The following ANKS1B variants were observed in gnomAD, a reference collection of about 807,000 sequenced individuals.
The protein encoded by ANKS1B is ankyrin repeat and sterile alpha motif domain-containing protein 1B.
In ANKS1B, 36 loss-of-function variants were observed where a neutral mutation model predicts 148.3. The ratio of observed to expected loss-of-function variants is 0.24; its 90% CI spans 0.19 to 0.32. The LOEUF (loss-of-function observed/expected upper bound fraction) is 0.32, where lower values mean the gene tolerates loss of function less well. Among genes scored for constraint, ANKS1B ranks in the 10% least tolerant of loss-of-function variants. ANKS1B has a pLI of 1.00. For missense variants in ANKS1B, 1,157 were observed against 1,542.6 expected (o/e 0.75, Z 4.19); for synonymous variants, 542 against 560.8 (o/e 0.97, Z 0.47).
intron 22 of ANKS1B, among the ~76,000 whole-genome samples, chr12:98,792,957 T>C (rs1336527706): frequency 3.9e-5 from 6 of 152,204 alleles, no homozygotes. Flanking sequence ...ACATACTGAT[T>C]TCATTTCCTT....
At chr12:99,242,185 T>C (rs532717579) in intron 14 of ANKS1B, among the ~76,000 whole-genome samples, 2 of 152,308 alleles carry the variant, frequency 1.3e-5, no homozygotes, top group African/African-American at 4.8e-5. Flanking sequence ...GATAAGCAAC[T>C]TCAGCAAAAT....
At chr12:99,134,436 C>T (rs1327528948) in intron 15 of ANKS1B, among the ~76,000 whole-genome samples, 1 of 151,788 alleles carries the variant, frequency 6.6e-6, no homozygotes, top group Non-Finnish European at 1.5e-5. Flanking sequence ...GCCCAAGTTG[C>T]CCATCAGAAC....
intron 25 of ANKS1B, among the ~76,000 whole-genome samples, chr12:98,753,028 A>G (rs1445230251): frequency 6.6e-6 from 1 of 151,598 alleles, no homozygotes. Flanking sequence ...TTCCCCAGCT[A>G]TTTCTTGAGG....
intron 9 of ANKS1B, among the ~76,000 whole-genome samples, chr12:99,587,999 AGT>A (rs2097661297): frequency 6.6e-6 from 1 of 152,134 alleles, no homozygotes; most frequent in African/African-American, 2.4e-5. Context: ...TAGATGTACG[AGT>A]TACATTGAGT....
chr12:98,864,301 T>A (rs1467680781), intron 17 of ANKS1B, among the ~76,000 whole-genome samples: 2 of 152,190 alleles, frequency 1.3e-5, no homozygotes, highest in African/African-American at 4.8e-5. Context: ...ACATTTCAAG[T>A]CTTCTCCTCT....
Position 99,984,312 on chromosome 12 carries a change from A to G in ANKS1B, c.-75T>C. ...TCCCCACCCACCCCCACTCCCCAAA[A>G]TCCAGGGCCCTCTTCGCCCCACCCT... On this transcript the variant is annotated 5_prime_UTR_variant, in exon 1 of 27. Transcript: ENST00000683438. 1.6e-6 allele frequency: 2 copies of G among 1,227,960 alleles called. No individual in the cohort carries two copies. The highest frequency in any genetic ancestry group is 2.8e-5 in the South Asian group (2 of 71,228). 76.1% of individuals were successfully genotyped at this position (1,227,960 alleles called of 1,614,324 possible).
intron 17 of ANKS1B, among the ~76,000 whole-genome samples, chr12:98,938,817 G>A (rs768086604): frequency 3.3e-5 from 5 of 152,214 alleles, no homozygotes; most frequent in Non-Finnish European, 7.3e-5. Flanking sequence ...AGCAGAGGAT[G>A]AAATTGGGAA....
chr12:99,329,645 C>A (rs374418572), intron 12 of ANKS1B, among the ~76,000 whole-genome samples: 25 of 151,760 alleles, frequency 1.6e-4, no homozygotes, highest in Admixed American at 1.2e-3. Context: ...CTGAAAAAGA[C>A]AAACTTAGCT....
intron 17 of ANKS1B, among the ~76,000 whole-genome samples, chr12:99,050,622 G>A (rs183352214): frequency 6.6e-6 from 1 of 151,590 alleles, no homozygotes. Flanking sequence ...ACTTCTCCCT[G>A]TATTGAAGCC....
intron 17 of ANKS1B, among the ~76,000 whole-genome samples, chr12:98,982,781 T>A (rs533802528): frequency 1.7e-4 from 26 of 152,372 alleles, no homozygotes; most frequent in African/African-American, 6.3e-4. Context: ...TGTATGAATA[T>A]ACATAATTCA....
At chr12:99,472,771 C>A (rs1396488893) in intron 10 of ANKS1B, among the ~76,000 whole-genome samples, 4 of 151,980 alleles carry the variant, frequency 2.6e-5, no homozygotes, top group African/African-American at 7.2e-5. Flanking sequence ...TTTCATGCAG[C>A]ATTTAAGAAA....
At chr12:98,964,418 T>C (rs1412051066) in intron 17 of ANKS1B, among the ~76,000 whole-genome samples, 1 of 152,154 alleles carries the variant, frequency 6.6e-6, no homozygotes, top group African/African-American at 2.4e-5. Context: ...AATGGAACTA[T>C]CATGTAATCC....
chr12:99,502,989 T>C (rs2096670471), intron 10 of ANKS1B, among the ~76,000 whole-genome samples: 1 of 152,232 alleles, frequency 6.6e-6, no homozygotes, highest in Admixed American at 6.5e-5. Flanking sequence ...CAGGCTGCAG[T>C]GCAGTGGTGT....
rs1378349030 is a variant in ANKS1B at position 98,832,600 on chromosome 12, C to T, written c.2779-464G>A. ...CCTTGGGGCCTCTACCCCTGCTCAA[C>T]CACCTGCCTGGAATGCCCCCTCTCC... On this transcript the variant is annotated intron_variant, in intron 17 of 26. Transcript: ENST00000683438. Among the ~76,000 whole-genome samples, 3 of 152,132 alleles carry T rather than the reference C, an allele frequency of 2.0e-5. No individual in the cohort carries two copies. The East Asian group carries it at 5.8e-4, about 29-fold the overall frequency.
chr12:98,986,052 C>A (rs2099923183), intron 17 of ANKS1B, among the ~76,000 whole-genome samples: 1 of 152,006 alleles, frequency 6.6e-6, no homozygotes, highest in African/African-American at 2.4e-5. Context: ...AAATGCTATT[C>A]CATTGTTTTT....
intron 9 of ANKS1B, among the ~76,000 whole-genome samples, chr12:99,566,315 A>G (rs1041670600): frequency 1.3e-5 from 2 of 152,210 alleles, no homozygotes; most frequent in Non-Finnish European, 2.9e-5. Flanking sequence ...AAGCAAGTTC[A>G]TTGCCCACAA....
chr12:99,238,306 A>G (rs1319301950), intron 14 of ANKS1B, among the ~76,000 whole-genome samples: 7 of 152,236 alleles, frequency 4.6e-5, no homozygotes, highest in Admixed American at 4.6e-4. Context: ...CTAGTGCAGC[A>G]GTCTGAGATC....
chr12:98,919,842 A>G (rs2099799071), intron 17 of ANKS1B, among the ~76,000 whole-genome samples: 1 of 152,170 alleles, frequency 6.6e-6, no homozygotes, highest in Non-Finnish European at 1.5e-5. Flanking sequence ...AGGGGCTGCA[A>G]TGCAACAGCC....
chr12:99,044,308 A>G (rs36015274), intron 17 of ANKS1B, among the ~76,000 whole-genome samples: 85 of 149,294 alleles, frequency 5.7e-4, no homozygotes, highest in Non-Finnish European at 8.2e-4. Flanking sequence ...GATACAGGAA[A>G]AAAGGTAAGT....
Sources: gnomAD v4.1 joint callset for allele counts (sites outside exome capture counted in the v4.1 genomes callset) on GRCh38, gnomAD v4.1.1 for gene constraint, MANE v1.5 for transcripts, NCBI Gene and HGNC (gene_info 2026-07-23, HGNC 2026-07-21) for gene names.